The following COL5A2 variants were observed in gnomAD, a reference collection of about 807,000 sequenced individuals.
The protein encoded by COL5A2 is collagen type V alpha 2 chain.
COL5A2 carries 23 observed loss-of-function variants against 208.2 expected under a neutral mutation model. The observed-to-expected ratio is 0.11, with a 90% CI of 0.08 to 0.16. The LOEUF is 0.16. Ranked by LOEUF, COL5A2 falls within the 10% of genes least tolerant of loss-of-function variation. The probability of loss-of-function intolerance (pLI) is 1.00; values close to 1 mark genes in which losing one functional copy is unlikely to be tolerated. For missense variants in COL5A2, 1,590 were observed against 1,956.4 expected, an observed-to-expected ratio of 0.81 and a Z score of 3.53; for synonymous variants, 625 against 628.5, an observed-to-expected ratio of 0.99 and a Z score of 0.08.
At chr2:189,271,889 G>C in the COL5A2 span, among the ~76,000 whole-genome samples, 1 of 152,282 alleles carries the variant, frequency 6.6e-6, no homozygotes, top group African/African-American at 2.4e-5. Flanking sequence ...CATTTATGTG[G>C]CCAACAAACA....
the COL5A2 span, among the ~76,000 whole-genome samples, chr2:189,270,218 T>G: frequency 6.6e-6 from 1 of 152,184 alleles, no homozygotes; most frequent in Non-Finnish European, 1.5e-5. Flanking sequence ...GAAGCGTTTT[T>G]CGCATCTCGA....
intron 16 of COL5A2, among the ~76,000 whole-genome samples, chr2:189,077,964 A>G (rs1303831602): frequency 1.3e-5 from 2 of 152,234 alleles, no homozygotes; most frequent in African/African-American, 4.8e-5. Context: ...AAGAATAATT[A>G]GAATATGCCT....
At position 189,053,482 on chromosome 2, in the gene COL5A2, G is replaced by A. The variant is rs1306555149; in HGVS notation, c.2500-5C>T. 4 of 1,613,218 alleles carry A rather than the reference G, an allele frequency of 2.5e-6. No individual in the cohort carries two copies. The highest frequency in any genetic ancestry group is 3.4e-6 in the Non-Finnish European group (4 of 1,179,350). ...CCCATTTTCACCTCGAGAACCCTAG[G>A]AGGAGACAAAGATTACTGTAGCTTT... On this transcript the variant is annotated splice_region_variant and splice_polypyrimidine_tract_variant and intron_variant, in intron 37 of 53. Coordinates refer to ENST00000374866, the MANE Select transcript of COL5A2 (RefSeq NM_000393.5).
At chr2:189,251,767 T>G in the COL5A2 span, among the ~76,000 whole-genome samples, 1 of 151,558 alleles carries the variant, frequency 6.6e-6, no homozygotes, top group Non-Finnish European at 1.5e-5. Context: ...AAATGGGACC[T>G]AATTAAACTA....
intron 1 of COL5A2, among the ~76,000 whole-genome samples, chr2:189,133,293 G>T: frequency 2.0e-5 from 1 of 50,540 alleles, no homozygotes; most frequent in Non-Finnish European, 9.3e-5. Flanking sequence ...CTAATTTTTT[G>T]TATTTTTAGT....
At chr2:189,121,712 G>A (rs1687503610) in intron 1 of COL5A2, among the ~76,000 whole-genome samples, 1 of 123,000 alleles carries the variant, frequency 8.1e-6, no homozygotes, top group African/African-American at 3.0e-5. Context: ...ACTCCAGCCT[G>A]GGTGACAGAG....
the COL5A2 span, among the ~76,000 whole-genome samples, chr2:189,405,049 A>G: frequency 6.6e-6 from 1 of 152,150 alleles, no homozygotes; most frequent in South Asian, 2.1e-4. Flanking sequence ...TGGGGTATCT[A>G]TAAGAAGTAA....
chr2:189,396,306 A>AT, the COL5A2 span, among the ~76,000 whole-genome samples: 1 of 152,208 alleles, frequency 6.6e-6, no homozygotes, highest in Non-Finnish European at 1.5e-5. Context: ...AATCACTGGT[A>AT]TAGTGAAAAG....
At chr2:189,041,717 T>C in intron 49 of COL5A2, 24 bp from the exon 50 acceptor site, 2 of 1,568,478 alleles carry the variant, frequency 1.3e-6, no homozygotes, top group Non-Finnish European at 1.8e-6. Context: ...AGACTGTAGT[T>C]TAGATTCTAT....
chr2:189,317,008 A>G, the COL5A2 span, among the ~76,000 whole-genome samples: 1 of 152,098 alleles, frequency 6.6e-6, no homozygotes, highest in South Asian at 2.1e-4. Flanking sequence ...TTTCATAAAT[A>G]TATACACCTA....
chr2:189,195,190 A>G (rs1688984404), intron 1 of COL5A2, among the ~76,000 whole-genome samples: 1 of 152,212 alleles, frequency 6.6e-6, no homozygotes, highest in Non-Finnish European at 1.5e-5. Flanking sequence ...ACAAGCAGCC[A>G]AATCATGAAT....
At chr2:189,088,037 G>T (rs1050359114) in intron 8 of COL5A2, among the ~76,000 whole-genome samples, 1 of 152,130 alleles carries the variant, frequency 6.6e-6, no homozygotes, top group Non-Finnish European at 1.5e-5. Flanking sequence ...GTCTGATTTT[G>T]CACTTCTTAT....
chr2:189,218,938 C>G (rs1239108962), intron 1 of COL5A2, among the ~76,000 whole-genome samples: 1 of 152,030 alleles, frequency 6.6e-6, no homozygotes, highest in Non-Finnish European at 1.5e-5. Context: ...TAGTAAAAAC[C>G]GGAAGTTACT....
the COL5A2 span, among the ~76,000 whole-genome samples, chr2:189,346,674 T>C: frequency 3.9e-5 from 6 of 152,204 alleles, no homozygotes; most frequent in Middle Eastern, 3.4e-3. Context: ...ACAGAGAGGA[T>C]TTAATGGAAG....
chr2:189,336,812 A>G, the COL5A2 span, among the ~76,000 whole-genome samples: 1 of 152,190 alleles, frequency 6.6e-6, no homozygotes, highest in Non-Finnish European at 1.5e-5. Context: ...AAATCTTTGG[A>G]ATTGTAAACT....
the COL5A2 span, among the ~76,000 whole-genome samples, chr2:189,336,565 A>G: frequency 6.6e-6 from 1 of 152,250 alleles, no homozygotes; most frequent in African/African-American, 2.4e-5. Flanking sequence ...TGATCCATGC[A>G]AAAATATGGA....
chr2:189,138,381 T>A (rs941352713), intron 1 of COL5A2, among the ~76,000 whole-genome samples: 3 of 152,144 alleles, frequency 2.0e-5, no homozygotes, highest in Admixed American at 6.6e-5. Context: ...ATAGGAAAAA[T>A]CTGAGAAGAA....
chr2:189,066,034 T>G (rs1360652805), intron 23 of COL5A2, among the ~76,000 whole-genome samples: 1 of 152,240 alleles, frequency 6.6e-6, no homozygotes, highest in African/African-American at 2.4e-5. Context: ...TTTTTTAAAG[T>G]GTGTACATAT....
chr2:189,313,358 G>A, the COL5A2 span, among the ~76,000 whole-genome samples: 1 of 152,088 alleles, frequency 6.6e-6, no homozygotes, highest in Non-Finnish European at 1.5e-5. Flanking sequence ...CATAAATGAA[G>A]GAGAAATAAG....
Sources: gnomAD v4.1 joint callset for allele counts (sites outside exome capture counted in the v4.1 genomes callset) on GRCh38, gnomAD v4.1.1 for gene constraint, MANE v1.5 for transcripts, NCBI Gene and HGNC (gene_info 2026-07-23, HGNC 2026-07-21) for gene names.